RAD9B: variants seen among roughly 807,000 people sequenced by gnomAD.
RAD9B encodes cell cycle checkpoint control protein RAD9B.
A neutral mutation model predicts 48.3 loss-of-function variants in RAD9B; 41 were observed. The ratio of observed to expected loss-of-function variants is 0.85; its 90% CI spans 0.66 to 1.10. The LOEUF is 1.10. Among genes scored for constraint, RAD9B ranks in the 50% least tolerant of loss-of-function variants. RAD9B has a pLI of 0.00. For missense variants in RAD9B, 444 were observed against 485.1 expected, an observed-to-expected ratio of 0.92 and a Z score of 0.80; for synonymous variants, 160 against 157.9, an observed-to-expected ratio of 1.01 and a Z score of -0.10.
chr12:110,505,440 TAAATTTTTTTAAAATAAAA>T (rs2063233835), intron 2 of RAD9B, among the ~76,000 whole-genome samples, 158 bp from the exon 3 acceptor site: 1 of 152,174 alleles, frequency 6.6e-6, no homozygotes, highest in African/African-American at 2.4e-5. Flanking sequence ...TATTTTCTCC[TAAATTTTTTTAAAATAAAA>T]AAATAGAGGT....
Position 110,503,874 on chromosome 12 carries a change from G to C in RAD9B, c.115G>C (p.Gly39Arg), listed in dbSNP as rs1199483951. 1 of 1,552,162 alleles carries C rather than the reference G, an allele frequency of 6.4e-7. No homozygotes were observed. Among genetic ancestry groups the C allele is most frequent in the Non-Finnish European group, 8.7e-7 (1 of 1,151,554 alleles). ...DEFWLDPSKK[G>R]LALRCVNSSR... ...GTTCTGGCTAGACCCATCTAAAAAA[G>C]GTGTAAGTAAGAAAGTTAACAGATC... The change falls in exon 2 of 11, where the codon GGT becomes CGT. Residue 39 changes from glycine to arginine, a missense_variant and splice_region_variant. Coordinates refer to ENST00000409300, the MANE Select transcript of RAD9B (RefSeq NM_001286535.2).
chr12:110,532,437 G>A lies in RAD9B; in HGVS notation c.*1784G>A, dbSNP rs1052962819. 6.6e-6 allele frequency among the ~76,000 whole-genome samples: 1 copy of A among 152,194 alleles called. No individual in the cohort carries two copies. The highest frequency in any genetic ancestry group is 2.4e-5 in the African/African-American group (1 of 41,436). On this transcript the variant is annotated 3_prime_UTR_variant, in exon 11 of 11. Coordinates refer to ENST00000409300, the MANE Select transcript of RAD9B (RefSeq NM_001286535.2). ...ATAGTTAATACTGGCGGGGTGTAGTGGCTCATGCCTGTAATCCCAGCACTT... is the reference window on the plus strand; with the variant it reads ...ATAGTTAATACTGGCGGGGTGTAGTAGCTCATGCCTGTAATCCCAGCACTT...
Position 110,532,833 on chromosome 12 carries a change from C to T in RAD9B, c.*2180C>T, listed in dbSNP as rs2064173832. ...ATACAGGTTTGTCGCCTAGGAGCAA[C>T]AGGCTATTCATATAGCCCAGATGTG... On this transcript the variant is annotated 3_prime_UTR_variant, in exon 11 of 11. Transcript: ENST00000409300. Among the ~76,000 whole-genome samples the T allele has an allele frequency of 6.6e-6, 1 of 152,174 alleles. No homozygotes were observed. The highest frequency in any genetic ancestry group is 6.5e-5 in the Admixed American group (1 of 15,268).
intron 2 of RAD9B, among the ~76,000 whole-genome samples, chr12:110,505,189 A>C (rs1209171987): frequency 2.0e-5 from 3 of 152,060 alleles, no homozygotes; most frequent in African/African-American, 7.2e-5. Flanking sequence ...ATGTATGTAT[A>C]TATATAGGTG....
Position 110,515,152 on chromosome 12 carries a change from A to G in RAD9B, c.591A>G (p.Ser197=). 7.3e-6 allele frequency: 11 copies of G among 1,498,710 alleles called. No homozygotes were observed. Among genetic ancestry groups the G allele is most frequent in the Non-Finnish European group, 1.0e-5 (11 of 1,097,980 alleles). The allele number at this position is 1,498,710 out of a possible 1,614,324, so 92.8% of individuals were successfully genotyped here. The stretch of plus-strand genomic sequence containing the variant: ...GCCTCAAGAGTTCTAATGAGGAATC[A>G]ATGGGTAAAGATTGTATCTGAAATG... ...NFCLKSSNEE[S]MDLSNAVHSE... Residue 197 remains serine (S), a synonymous_variant, in exon 6 of 11, where the codon TCA becomes TCG. Transcript: ENST00000409300.
In RAD9B at chr12:110,512,797, A is replaced by G. The variant is rs778007961; in HGVS notation, c.407A>G (p.Asn136Ser). Reference sequence around the variant, plus strand: ...TTTTAAGGTATTAAAAGAACTCATAATATATGTTTTCAAGAAAGTCAGCCT... The same window carrying G: ...TTTTAAGGTATTAAAAGAACTCATAGTATATGTTTTCAAGAAAGTCAGCCT... ...FYRHGIKRTH[N>S]ICFQESQPLQ... Residue 136 changes from asparagine to serine, a missense_variant, in exon 5 of 11, where the codon AAT becomes AGT. Transcript: ENST00000409300. 2.8e-6 allele frequency: 4 copies of G among 1,415,606 alleles called. No homozygotes were observed. Among genetic ancestry groups the G allele is most frequent in the South Asian group, 1.2e-5 (1 of 81,266 alleles). The allele number at this position is 1,415,606 out of a possible 1,614,324, so 87.7% of individuals were successfully genotyped here.
At chr12:110,526,777 C>T (rs192566230) in intron 10 of RAD9B, among the ~76,000 whole-genome samples, 51 of 151,938 alleles carry the variant, frequency 3.4e-4, no homozygotes, top group Non-Finnish European at 6.3e-4. Context: ...GGTGTGGTGG[C>T]GGGCGCCTGT....
At chr12:110,503,325 C>G (rs886413396) in intron 1 of RAD9B, 7 of 158,726 alleles carry the variant, frequency 4.4e-5, no homozygotes, top group African/African-American at 1.7e-4. Flanking sequence ...TAAATGTGTT[C>G]TGTGGTGGGG....
At chr12:110,504,288 G>A (rs991454868) in intron 2 of RAD9B, among the ~76,000 whole-genome samples, 1 of 151,992 alleles carries the variant, frequency 6.6e-6, no homozygotes, top group African/African-American at 2.4e-5. Context: ...GGTCCACATG[G>A]TGAAACTCCT....
At chr12:110,513,732 T>C (rs2063530693) in intron 5 of RAD9B, among the ~76,000 whole-genome samples, 1 of 126,620 alleles carries the variant, frequency 7.9e-6, no homozygotes, top group Non-Finnish European at 1.7e-5. Flanking sequence ...TTATTATTAT[T>C]ATTATTTTTG....
chr12:110,503,551 A>C (rs1024241196), intron 1 of RAD9B: 1 of 430,030 alleles, frequency 2.3e-6, no homozygotes, highest in African/African-American at 2.1e-5. Flanking sequence ...AGCTCCATGC[A>C]ACACTGTAAA....
rs375979152 is a variant in RAD9B, at chr12:110,522,243, A to C, written c.957A>C (p.Lys319Asn). Residue 319 changes from lysine to asparagine, a missense_variant, in exon 10 of 11, where the codon AAA (lysine) becomes AAC (asparagine). Physicochemically the swap from Lys to Asn is moderately conservative, Grantham distance 94. Transcript: ENST00000409300. ...VTGQALECISKKAAPRRLYPK... is the reference protein window; with the variant it reads ...VTGQALECISNKAAPRRLYPK... The stretch of plus-strand genomic sequence containing the variant: ...GCCAGGCCCTGGAATGTATTTCAAA[A>C]AAAGCAGCACCAAGAAGGCTTTATC... The C allele has an allele frequency of 2.5e-6, 4 of 1,610,798 alleles. No individual in the cohort carries two copies. The African/African-American group carries it at 5.3e-5, about 22-fold the overall frequency.
intron 5 of RAD9B, 111 bp from the exon 6 acceptor site, chr12:110,514,939 C>A: frequency 4.6e-6 from 3 of 648,912 alleles, no homozygotes; most frequent in South Asian, 2.4e-5. Flanking sequence ...TTTCTAAACC[C>A]AGGCCAAGTA....
intron 5 of RAD9B, among the ~76,000 whole-genome samples, chr12:110,513,156 C>T (rs955826014): frequency 5.9e-5 from 9 of 151,778 alleles, no homozygotes; most frequent in Non-Finnish European, 1.0e-4. Flanking sequence ...TTAATAGAGA[C>T]GGGGGGTTTT....
chr12:110,513,091 G>A (rs1006279241), intron 5 of RAD9B, among the ~76,000 whole-genome samples: 4 of 151,482 alleles, frequency 2.6e-5, no homozygotes, highest in Non-Finnish European at 5.9e-5. Context: ...TCAGCCTCCC[G>A]AGTAGCTGGG....
intron 2 of RAD9B, among the ~76,000 whole-genome samples, 187 bp from the exon 3 acceptor site, chr12:110,505,430 T>A (rs1206767776): frequency 6.6e-6 from 1 of 152,146 alleles, no homozygotes; most frequent in East Asian, 1.9e-4. Context: ...AAAGAAAGTT[T>A]ATTTTCTCCT....
Position 110,519,872 on chromosome 12 carries a change from A to G in RAD9B, c.846A>G (p.Arg282=). 1 of 1,613,308 alleles carries G rather than the reference A, an allele frequency of 6.2e-7. No individual in the cohort carries two copies. Among genetic ancestry groups the G allele is most frequent in the Non-Finnish European group, 8.5e-7 (1 of 1,179,680 alleles). The change falls in exon 9 of 11, where the codon AGA becomes AGG. Residue 282 remains arginine, a synonymous_variant. Transcript: ENST00000409300. ...ILATLADEQS[R]ASSPQSLCLS... ...CCACATTAGCTGATGAACAAAGTAG[A>G]GCATCTTCACCACAGTCACTGTGTC...
rs1223041920 is a variant in RAD9B at position 110,519,812 on chromosome 12, T to C, written c.786T>C (p.Ile262=). ...DFPGKPLALS[I]DDMLVEANFI... ...TTTTTAGACCTCTGGCTTTGAGTAT[T>C]GATGATATGTTAGTGGAAGCTAACT... Residue 262 remains isoleucine (I), a synonymous_variant, in exon 9 of 11, where the codon ATT becomes ATC. Coordinates refer to ENST00000409300, the MANE Select transcript of RAD9B (RefSeq NM_001286535.2). 6.2e-7 allele frequency: 1 copy of C among 1,611,706 alleles called. No homozygotes were observed.
chr12:110,522,491 A>G (rs928718488), intron 10 of RAD9B, 80 bp downstream of exon 10: 3 of 941,374 alleles, frequency 3.2e-6, no homozygotes, highest in African/African-American at 3.3e-5. Context: ...CCCAATCCCC[A>G]CCCAGCCATG....
Sources: gnomAD v4.1 joint callset for allele counts (sites outside exome capture counted in the v4.1 genomes callset) on GRCh38, gnomAD v4.1.1 for gene constraint, MANE v1.5 for transcripts, NCBI Gene and HGNC (gene_info 2026-07-23, HGNC 2026-07-21) for gene names.